ARMH3: variants seen among roughly 807,000 people sequenced by gnomAD.
The protein encoded by ARMH3 is armadillo like helical domain containing 3.
A neutral mutation model predicts 99.1 loss-of-function variants in ARMH3; 60 were observed. The observed-to-expected ratio is 0.61, with a 90% confidence interval of 0.49 to 0.75. The LOEUF (loss-of-function observed/expected upper bound fraction) is 0.75. Among genes scored for constraint, ARMH3 ranks in the 30% least tolerant of loss-of-function variants. The pLI is 0.00. For missense variants in ARMH3, 679 were observed against 843.1 expected (o/e 0.81, Z 2.41); for synonymous variants, 285 against 292.8 (o/e 0.97, Z 0.27).
At chr10:101,857,063 A>G (rs1335985504) in intron 24 of ARMH3, among the ~76,000 whole-genome samples, 2 of 151,936 alleles carry the variant, frequency 1.3e-5, no homozygotes, top group Non-Finnish European at 2.9e-5. Context: ...AAAAAGAAGG[A>G]CTGAATAATC....
intron 24 of ARMH3, among the ~76,000 whole-genome samples, chr10:101,854,016 G>A (rs2066673909): frequency 6.6e-6 from 1 of 152,184 alleles, no homozygotes; most frequent in African/African-American, 2.4e-5. Context: ...GGGAGGCTGA[G>A]GCAGGAGAAT....
intron 22 of ARMH3, among the ~76,000 whole-genome samples, chr10:101,955,772 A>T (rs1275444015): frequency 6.6e-6 from 1 of 152,226 alleles, no homozygotes; most frequent in African/African-American, 2.4e-5. Context: ...ACATGAGAGG[A>T]TTCTAAAGAG....
intron 2 of ARMH3, among the ~76,000 whole-genome samples, chr10:102,038,164 A>G (rs370841907): frequency 2.2e-5 from 3 of 135,034 alleles, no homozygotes; most frequent in East Asian, 4.3e-4. Flanking sequence ...GCGCGATCTC[A>G]GCTCACTGCA....
At chr10:101,974,473 C>T (rs944393436) in intron 20 of ARMH3, among the ~76,000 whole-genome samples, 10 of 152,154 alleles carry the variant, frequency 6.6e-5, no homozygotes, top group Middle Eastern at 3.2e-3. Context: ...GACCTAGTAG[C>T]AAGCAACTGC....
intron 15 of ARMH3, among the ~76,000 whole-genome samples, chr10:101,998,965 A>G (rs2066281923): frequency 6.6e-6 from 1 of 152,216 alleles, no homozygotes; most frequent in Non-Finnish European, 1.5e-5. Context: ...TCTGTGGACC[A>G]TAATTTAAGA....
intron 2 of ARMH3, among the ~76,000 whole-genome samples, chr10:102,034,593 A>G (rs2067205504): frequency 6.6e-6 from 1 of 151,052 alleles, no homozygotes; most frequent in South Asian, 2.1e-4. Flanking sequence ...CCGAGATCAC[A>G]CTGCTGCACT....
At chr10:101,864,300 G>A (rs2066948281) in intron 24 of ARMH3, among the ~76,000 whole-genome samples, 1 of 152,170 alleles carries the variant, frequency 6.6e-6, no homozygotes, top group Non-Finnish European at 1.5e-5. Flanking sequence ...TGGTGGAACT[G>A]TAAACTAGTT....
chr10:102,035,603 G>A (rs1303267128), intron 2 of ARMH3, among the ~76,000 whole-genome samples: 12 of 152,220 alleles, frequency 7.9e-5, no homozygotes, highest in Non-Finnish European at 1.3e-4. Context: ...ACGGGGTTTC[G>A]CTGTGTTGGC....
chr10:101,955,841 T>C (rs1309050964), intron 22 of ARMH3, among the ~76,000 whole-genome samples: 3 of 152,202 alleles, frequency 2.0e-5, no homozygotes, highest in African/African-American at 7.2e-5. Context: ...ATTGTGATAG[T>C]TTCACATACG....
intron 2 of ARMH3, among the ~76,000 whole-genome samples, chr10:102,039,144 T>G (rs929768916): frequency 6.6e-6 from 1 of 151,654 alleles, no homozygotes; most frequent in East Asian, 1.9e-4. Context: ...TCTTCCTTGA[T>G]AGTGTATTTT....
intron 1 of ARMH3, among the ~76,000 whole-genome samples, chr10:102,054,507 G>A (rs548950365): frequency 6.6e-6 from 1 of 152,220 alleles, no homozygotes; most frequent in South Asian, 2.1e-4. Flanking sequence ...GTAACAAGAG[G>A]GATCCCTCTT....
At position 102,033,294 on chromosome 10, in the gene ARMH3, A is replaced by T; in HGVS notation, c.148T>A (p.Phe50Ile). The change falls in exon 3 of 26, where the codon TTT becomes ATT. Residue 50 changes from phenylalanine to isoleucine, a missense_variant. Physicochemically the swap from Phe to Ile is conservative, Grantham distance 21 (BLOSUM62 0). Transcript: ENST00000370033. ...KCSPRFWEEL[F>I]LMKVNLEYLE... is the part of the protein sequence containing the mutation. ...CCACCAACTCTTACCTTCATGAGAA[A>T]GAGCTCCTCCCAAAACCGAGGACTG... 6.2e-7 allele frequency: 1 copy of T among 1,614,168 alleles called. No individual in the cohort carries two copies. The highest frequency in any genetic ancestry group is 2.2e-5 in the East Asian group (1 of 44,882).
intron 22 of ARMH3, 54 bp downstream of exon 22, chr10:101,956,543 T>C: frequency 1.3e-6 from 2 of 1,588,690 alleles, no homozygotes; most frequent in Admixed American, 3.5e-5. Context: ...TCCTCTTATA[T>C]GCCAAAAGCT....
At chr10:101,906,925 C>T (rs909279318) in intron 23 of ARMH3, among the ~76,000 whole-genome samples, 1 of 152,144 alleles carries the variant, frequency 6.6e-6, no homozygotes, top group African/African-American at 2.4e-5. Context: ...TTTCTCTATT[C>T]TAGGAAAAAA....
At chr10:102,020,279 A>G (rs1244592563) in intron 8 of ARMH3, among the ~76,000 whole-genome samples, 1 of 150,322 alleles carries the variant, frequency 6.7e-6, no homozygotes, top group African/African-American at 2.5e-5. Flanking sequence ...TCACACCTGT[A>G]ATCCCAGAAC....
chr10:101,905,711 A>G (rs2068085991), intron 23 of ARMH3, among the ~76,000 whole-genome samples: 1 of 152,220 alleles, frequency 6.6e-6, no homozygotes. Flanking sequence ...TGTCATGCAA[A>G]AAGGTCTGGA....
intron 11 of ARMH3, among the ~76,000 whole-genome samples, chr10:102,010,918 T>C (rs2066616534): frequency 6.6e-6 from 1 of 152,102 alleles, no homozygotes; most frequent in African/African-American, 2.4e-5. Context: ...GAAGGAACAA[T>C]TCGTAAGCAG....
At chr10:101,985,330 A>G (rs1475183090) in intron 19 of ARMH3, among the ~76,000 whole-genome samples, 4 of 150,712 alleles carry the variant, frequency 2.7e-5, no homozygotes, top group African/African-American at 9.7e-5. Context: ...ATATATACAG[A>G]TCGCATGGGT....
At chr10:101,899,408 G>A (rs1205435086) in intron 23 of ARMH3, among the ~76,000 whole-genome samples, 1 of 152,212 alleles carries the variant, frequency 6.6e-6, no homozygotes, top group South Asian at 2.1e-4. Context: ...CTGAGTGTAT[G>A]TGGCAGTAGT....
Sources: gnomAD v4.1 joint callset for allele counts (sites outside exome capture counted in the v4.1 genomes callset) on GRCh38, gnomAD v4.1.1 for gene constraint, MANE v1.5 for transcripts, NCBI Gene and HGNC (gene_info 2026-07-23, HGNC 2026-07-21) for gene names.